Variants in COL4A6 observed in about 807,000 individuals in gnomAD.
COL4A6 encodes collagen type IV alpha 6 chain.
In COL4A6, 59 loss-of-function variants were observed where a neutral mutation model predicts 126.7. The observed-to-expected ratio is 0.47, with a 90% CI of 0.38 to 0.58. COL4A6 has a LOEUF of 0.58. COL4A6 is among the 20% of genes least tolerant of loss of function. The pLI, the probability that COL4A6 is intolerant of heterozygous loss-of-function variation, is 0.00. For synonymous variants in COL4A6, 547 were observed against 496.6 expected, an observed-to-expected ratio of 1.10 and a Z score of -1.35; for missense variants, 1,285 against 1,337.3, an observed-to-expected ratio of 0.96 and a Z score of 0.61.
At chrX:108,248,721 C>T (rs1473183356) in intron 3 of COL4A6, among the ~76,000 whole-genome samples, 1 of 110,775 alleles carries the variant, frequency 9.0e-6, no homozygotes, top group East Asian at 2.9e-4. Context: ...GTTCCCAACC[C>T]TGGGGCCACA....
intron 2 of COL4A6, among the ~76,000 whole-genome samples, chrX:108,412,045 T>G (rs1004739081): frequency 8.1e-5 from 9 of 111,131 alleles, no homozygotes; most frequent in Admixed American, 3.8e-4. Flanking sequence ...TAGATCTTAC[T>G]GAAGAGAAGC....
At chrX:108,394,700 C>T (rs62601457) in intron 2 of COL4A6, among the ~76,000 whole-genome samples, 13,279 of 111,570 alleles carry the variant, frequency 0.12, 870 homozygotes, top group Non-Finnish European at 0.18. Flanking sequence ...TGTGGAATCA[C>T]TGAATTGTTC....
chrX:108,402,953 GC>G (rs2041120928), intron 2 of COL4A6, among the ~76,000 whole-genome samples: 1 of 111,253 alleles, frequency 9.0e-6, no homozygotes, highest in Middle Eastern at 4.2e-3. Context: ...ACTATATCAA[GC>G]TTGTACTTAG....
At chrX:108,279,163 G>T (rs1334770920) in intron 3 of COL4A6, among the ~76,000 whole-genome samples, 1 of 111,632 alleles carries the variant, frequency 9.0e-6, no homozygotes, top group African/African-American at 3.3e-5. Context: ...AAATGTAAAT[G>T]AACTAAATGC....
At chrX:108,165,221 TC>T in intron 38 of COL4A6, 148 bp downstream of exon 38, 1 of 725,375 alleles carries the variant, frequency 1.4e-6, no homozygotes, top group Non-Finnish European at 2.2e-6. Context: ...TTGGCTCAAG[TC>T]CCCTGTGTCC....
intron 3 of COL4A6, chrX:108,268,467 T>C (rs2037368859): frequency 8.9e-6 from 1 of 112,426 alleles, no homozygotes. Context: ...ACTTAGAGTT[T>C]AGAAATTTGC....
intron 3 of COL4A6, among the ~76,000 whole-genome samples, chrX:108,261,866 A>G (rs1264873655): frequency 2.7e-5 from 3 of 111,996 alleles, no homozygotes; most frequent in Non-Finnish European, 5.7e-5. Flanking sequence ...TTACAATTAA[A>G]ATGGATTAAT....
intron 30 of COL4A6, 112 bp downstream of exon 30, chrX:108,174,978 C>A: frequency 1.0e-6 from 1 of 975,801 alleles, no homozygotes; most frequent in African/African-American, 2.0e-5. Flanking sequence ...CACTGCTGCT[C>A]TGAGGTTGGC....
At position 108,170,002 on chromosome X, in the gene COL4A6, GA is replaced by G; in HGVS notation, c.3507del (p.Pro1170LeufsTer6). ...AGCCCATTCAGTCCATGTAAACCAG[GA>G]AATCCAGGGAAGCCTGAGGGGAGAG... is the stretch of plus-strand genomic sequence containing the variant. ...GLIGPKGFPG[F>X]PGLHGLNGLP... On this transcript the variant is annotated frameshift_variant, in exon 36 of 45. Transcript: ENST00000334504. LOFTEE classifies it high-confidence loss of function. 1 of 1,186,780 alleles carries G rather than the reference GA, an allele frequency of 8.4e-7. No homozygotes were observed. Among genetic ancestry groups the G allele is most frequent in the Admixed American group, 2.3e-5 (1 of 43,633 alleles).
chrX:108,390,833 C>A (rs141086019), intron 2 of COL4A6, among the ~76,000 whole-genome samples: 4 of 111,177 alleles, frequency 3.6e-5, no homozygotes, highest in Non-Finnish European at 1.9e-5. Context: ...GAATTTTCAG[C>A]CTTTTTGTGC....
In COL4A6 at chrX:108,175,743, C is replaced by T; in HGVS notation, c.2741G>A (p.Gly914Asp). The change falls in exon 29 of 45, where the codon GGT becomes GAT. Residue 914 changes from glycine to aspartate, a missense_variant. By Grantham distance (94) the Gly-to-Asp change is moderately conservative. Transcript: ENST00000334504. ...TTTTAATCCTCTTGTTCCAGGAATACCAGGCAGACCTGGTATTCCTGGAAA... is the reference window on the plus strand; with the variant it reads ...TTTTAATCCTCTTGTTCCAGGAATATCAGGCAGACCTGGTATTCCTGGAAA... The part of the protein sequence containing the change: ...VGFPGIPGLP[G>D]IPGTRGLKGI... The T allele has an allele frequency of 2.5e-6, 3 of 1,193,021 alleles. No homozygotes were observed. Among genetic ancestry groups the T allele is most frequent in the Non-Finnish European group, 3.4e-6 (3 of 883,585 alleles).
chrX:108,335,424 T>G (rs2039407169), intron 2 of COL4A6, among the ~76,000 whole-genome samples: 1 of 112,111 alleles, frequency 8.9e-6, no homozygotes. Flanking sequence ...TTTTCATTCA[T>G]TCCCATGTCT....
intron 32 of COL4A6, 97 bp downstream of exon 32, chrX:108,172,372 A>AG: frequency 2.5e-6 from 1 of 393,501 alleles, no homozygotes; most frequent in Non-Finnish European, 3.7e-6. Flanking sequence ...AAAGAAAAAA[A>AG]AAAAAAAAAA....
intron 3 of COL4A6, among the ~76,000 whole-genome samples, chrX:108,304,547 G>A (rs932006452): frequency 1.8e-5 from 2 of 111,951 alleles, no homozygotes; most frequent in African/African-American, 6.5e-5. Flanking sequence ...GTTTGGTGGA[G>A]AGGAGGGTGG....
chrX:108,431,813 A>G (rs1230903327), intron 2 of COL4A6, among the ~76,000 whole-genome samples: 1 of 111,769 alleles, frequency 8.9e-6, no homozygotes, highest in Non-Finnish European at 1.9e-5. Context: ...GAGAGAACAA[A>G]CAGAGAATGC....
rs769058489 is a variant in COL4A6, at chrX:108,162,884, C to G, written c.4216+8G>C. The G allele has an allele frequency of 1.3e-5, 15 of 1,151,947 alleles. No homozygotes were observed. The highest frequency in any genetic ancestry group is 1.5e-5 in the Non-Finnish European group (13 of 870,402). The allele number at this position is 1,151,947 out of a possible 1,213,427, so 94.9% of individuals were successfully genotyped here. A position where few individuals can be genotyped will look rare whatever the true frequency, so the allele number is the denominator to read the frequency against. On this transcript the variant is annotated splice_region_variant and intron_variant, in intron 41 of 44. Transcript: ENST00000334504. ...CAACAAATCTCCTTTTTCTGGCACC[C>G]TCCTCACCTTGTAGGCCTACAGGGC...
At position 108,328,214 on chromosome X, in the gene COL4A6, C is replaced by A. The variant is rs1227129111; in HGVS notation, c.64-17386G>T. ...TTACAGAATCAACATTTGCAACTCC[C>A]AGTGAAGTAATAGATTGAGGTAATA... is the stretch of plus-strand genomic sequence containing the variant. On this transcript the variant is annotated intron_variant, in intron 2 of 44. Coordinates refer to ENST00000334504, the MANE Select transcript of COL4A6 (RefSeq NM_033641.4). 2.7e-5 allele frequency among the ~76,000 whole-genome samples: 3 copies of A among 111,127 alleles called. No homozygotes were observed. In the East Asian group the frequency reaches 8.5e-4, roughly 31 times the overall value.
intron 2 of COL4A6, among the ~76,000 whole-genome samples, chrX:108,311,350 C>G (rs2038755399): frequency 9.0e-6 from 1 of 111,499 alleles, no homozygotes; most frequent in African/African-American, 3.3e-5. Flanking sequence ...CCCAGTTAGT[C>G]AGATCCAAAT....
chrX:108,178,557 T>A, intron 27 of COL4A6, 127 bp downstream of exon 27: 4 of 670,958 alleles, frequency 6.0e-6, no homozygotes, highest in South Asian at 3.0e-5. Context: ...ACTTGAGAGC[T>A]TAGGAAAGTC....
Sources: allele counts gnomAD v4.1 joint callset (sites outside exome capture counted in the v4.1 genomes callset), GRCh38; gene constraint gnomAD v4.1.1; transcripts MANE v1.5; gene names NCBI Gene and HGNC (gene_info 2026-07-23, HGNC 2026-07-21).